The following TNNI3K variants were observed in gnomAD, a reference collection of about 807,000 sequenced individuals.
TNNI3K encodes the protein TNNI3 interacting kinase.
TNNI3K carries 140 observed loss-of-function variants against 114.5 expected under a neutral mutation model. The ratio of observed to expected loss-of-function variants is 1.22; its 90% CI spans 1.07 to 1.41. The LOEUF is 1.41. Among genes scored for constraint, TNNI3K ranks in the 40% most tolerant of loss-of-function variants. The pLI, the probability that TNNI3K is intolerant of heterozygous loss-of-function variation, is 0.00. For synonymous variants in TNNI3K, 347 were observed against 347.5 expected (o/e 1.00, Z 0.02); for missense variants, 1,125 against 1,007.6 (o/e 1.12, Z -1.58).
chr1:74,291,596 C>G lies in TNNI3K; in HGVS notation c.444+19888C>G, dbSNP rs577173841. ...GCTAGTAAGTGGTGTAGATTATATT[C>G]TATCCTAAGTTGACTGACTTCATAG... On this transcript the variant is annotated intron_variant, in intron 5 of 24. Transcript: ENST00000326637. Among the ~76,000 whole-genome samples the G allele has an allele frequency of 4.0e-5, 6 of 151,600 alleles. No homozygotes were observed. In the South Asian group the frequency reaches 1.2e-3, roughly 31 times the overall value.
At chr1:74,291,419 G>A (rs1196509589) in intron 5 of TNNI3K, among the ~76,000 whole-genome samples, 1 of 151,436 alleles carries the variant, frequency 6.6e-6, no homozygotes, top group Non-Finnish European at 1.5e-5. Flanking sequence ...CATAATATAT[G>A]TTTACATAGG....
chr1:74,518,832 A>C (rs1646386038), intron 23 of TNNI3K, among the ~76,000 whole-genome samples: 1 of 147,138 alleles, frequency 6.8e-6, no homozygotes, highest in African/African-American at 2.6e-5. Context: ...TTTAAAACAA[A>C]TTACCTTACT....
At chr1:74,283,324 C>A (rs1043649327) in intron 5 of TNNI3K, among the ~76,000 whole-genome samples, 1 of 152,114 alleles carries the variant, frequency 6.6e-6, no homozygotes, top group Non-Finnish European at 1.5e-5. Context: ...GGCTTTTGGT[C>A]TGGAGATAAA....
Position 74,331,530 on chromosome 1 carries a change from G to A in TNNI3K, c.525G>A (p.Ala175=), listed in dbSNP as rs188990439. Residue 175 remains alanine, a synonymous_variant, in exon 6 of 25, where the codon GCG becomes GCA. Transcript: ENST00000326637. ...TTTTCACTCCATTGCATATTGCAGCGTACTATGGACATGAACAGGTAAGTC... is the reference window on the plus strand; with the variant it reads ...TTTTCACTCCATTGCATATTGCAGCATACTATGGACATGAACAGGTAAGTC... ...AVFFTPLHIA[A]YYGHEQVTRL... is the part of the protein sequence containing the mutation. 68 of 1,612,696 alleles carry A rather than the reference G, an allele frequency of 4.2e-5. No homozygotes were observed. The highest frequency in any genetic ancestry group is 3.6e-4 in the African/African-American group (27 of 75,040).
rs867651890 is a variant in TNNI3K, at chr1:74,430,790, T to C, written c.1773-5290T>C. On this transcript the variant is annotated intron_variant, in intron 17 of 24. Transcript: ENST00000326637. ...TCCAAATACTGTGGTATCAGTGCAG[T>C]CAGGGGAACAAAGATTCCTTTAAGT... 4.1e-4 allele frequency among the ~76,000 whole-genome samples: 62 copies of C among 152,240 alleles called. No individual in the cohort carries two copies. The Middle Eastern group carries it at 0.014, about 33-fold the overall frequency.
chr1:74,376,354 A>C (rs971468713), intron 17 of TNNI3K, among the ~76,000 whole-genome samples: 3 of 152,012 alleles, frequency 2.0e-5, no homozygotes, highest in African/African-American at 4.8e-5. Context: ...TGTATTATAG[A>C]GTCCCTCTCC....
At chr1:74,386,818 T>A (rs1022584703) in intron 17 of TNNI3K, among the ~76,000 whole-genome samples, 4 of 152,186 alleles carry the variant, frequency 2.6e-5, no homozygotes, top group African/African-American at 9.7e-5. Context: ...ATGATGAAGG[T>A]ATTTGTGATA....
intron 5 of TNNI3K, among the ~76,000 whole-genome samples, chr1:74,300,820 G>A (rs1277030447): frequency 1.3e-5 from 2 of 152,158 alleles, no homozygotes; most frequent in East Asian, 3.9e-4. Flanking sequence ...TATCTGGCTA[G>A]CCTTGGGTGG....
intron 5 of TNNI3K, among the ~76,000 whole-genome samples, chr1:74,290,612 A>G (rs887249844): frequency 6.6e-6 from 1 of 151,850 alleles, no homozygotes; most frequent in Non-Finnish European, 1.5e-5. Flanking sequence ...GACATTGTAC[A>G]AGATTATACA....
At chr1:74,524,856 G>A (rs1646482576) in intron 23 of TNNI3K, among the ~76,000 whole-genome samples, 1 of 152,236 alleles carries the variant, frequency 6.6e-6, no homozygotes, top group African/African-American at 2.4e-5. Flanking sequence ...TGAGATGCAT[G>A]CCACTGCAGG....
chr1:74,499,666 C>T (rs974873813), intron 23 of TNNI3K, among the ~76,000 whole-genome samples: 12 of 152,172 alleles, frequency 7.9e-5, no homozygotes, highest in African/African-American at 2.9e-4. Flanking sequence ...AATTTTTATA[C>T]TCAGCTTGTA....
intron 2 of TNNI3K, chr1:74,240,059 T>C: frequency 2.3e-6 from 1 of 437,384 alleles, no homozygotes; most frequent in Admixed American, 2.7e-5. Flanking sequence ...TATATCCTCC[T>C]CTGTGCTGCC....
intron 11 of TNNI3K, 57 bp from the exon 12 acceptor site, chr1:74,367,199 G>T: frequency 1.3e-6 from 2 of 1,581,640 alleles, no homozygotes; most frequent in South Asian, 1.1e-5. Flanking sequence ...TTTGAGAGTA[G>T]ACTGAATAAC....
At chr1:74,320,049 CT>C (rs1659523332) in intron 5 of TNNI3K, among the ~76,000 whole-genome samples, 1 of 152,136 alleles carries the variant, frequency 6.6e-6, no homozygotes, top group African/African-American at 2.4e-5. Context: ...GCAATTATAT[CT>C]TGTTCATTTC....
chr1:74,247,715 C>T (rs1654665027), intron 2 of TNNI3K, among the ~76,000 whole-genome samples: 1 of 152,118 alleles, frequency 6.6e-6, no homozygotes, highest in African/African-American at 2.4e-5. Flanking sequence ...ATACAGAGTG[C>T]TGATTGGTGC....
chr1:74,373,675 A>C (rs1311477580), intron 17 of TNNI3K: 1 of 151,920 alleles, frequency 6.6e-6, no homozygotes, highest in East Asian at 1.9e-4. Context: ...TATAAGTATG[A>C]CTACTTGTGT....
intron 23 of TNNI3K, among the ~76,000 whole-genome samples, chr1:74,519,998 T>G (rs1367687113): frequency 1.3e-5 from 2 of 152,178 alleles, no homozygotes; most frequent in African/African-American, 4.8e-5. Context: ...AGCTCATTTA[T>G]GTATTTAATT....
At chr1:74,466,986 T>C (rs1212401628) in intron 21 of TNNI3K, among the ~76,000 whole-genome samples, 1 of 152,216 alleles carries the variant, frequency 6.6e-6, no homozygotes, top group African/African-American at 2.4e-5. Context: ...GACAAAACTC[T>C]GTGAGACTAT....
chr1:74,424,898 C>A lies in TNNI3K; in HGVS notation c.1773-11182C>A, dbSNP rs1665561240. ...AAAGTGGCTTAAGAATAGTTTTAAT[C>A]CACCTGGAGAAATATGAGATCTGTG... On this transcript the variant is annotated intron_variant, in intron 17 of 24. Coordinates refer to ENST00000326637, the MANE Select transcript of TNNI3K (RefSeq NM_015978.3). Among the ~76,000 whole-genome samples, 4 of 151,926 alleles carry A rather than the reference C, an allele frequency of 2.6e-5. No individual in the cohort carries two copies. The South Asian group carries it at 8.3e-4, about 32-fold the overall frequency.
Sources: allele counts gnomAD v4.1 joint callset (sites outside exome capture counted in the v4.1 genomes callset), GRCh38; gene constraint gnomAD v4.1.1; transcripts MANE v1.5; gene names NCBI Gene and HGNC (gene_info 2026-07-23, HGNC 2026-07-21).